The following H2BC18 variants were observed in gnomAD, a reference collection of about 807,000 sequenced individuals.
H2BC18 encodes the protein histone H2B type 2-F.
A neutral mutation model predicts 6.3 loss-of-function variants in H2BC18; 8 were observed. The ratio of observed to expected loss-of-function variants is 1.28; its 90% CI spans 0.75 to 2.31. H2BC18 has a LOEUF of 2.31. Ranked by LOEUF, H2BC18 falls within the 30% of genes most tolerant of loss-of-function variation. The probability of loss-of-function intolerance (pLI) is 0.00; values close to 1 mark genes in which losing one functional copy is unlikely to be tolerated. For synonymous variants in H2BC18, 104 were observed against 78.1 expected (o/e 1.33, Z -1.75); for missense variants, 106 against 174.5 (o/e 0.61, Z 2.21).
At chr1:149,811,496 C>T (rs191855691), downstream of H2BC18, 11 of 188,384 alleles carry the variant, frequency 5.8e-5, no homozygotes, top group East Asian at 1.6e-3. Flanking sequence ...CAGATTAAAA[C>T]ACTAAGAAAT....
intron 1 of H2BC18, chr1:149,784,334 G>A (rs1571382573): frequency 5.0e-6 from 8 of 1,611,538 alleles, no homozygotes; most frequent in South Asian, 4.4e-5. Context: ...GATGCCAGAT[G>A]TGTGTGTGTC....
At chr1:149,799,624 A>G (rs2091841262) in intron 1 of H2BC18, among the ~76,000 whole-genome samples, 1 of 152,212 alleles carries the variant, frequency 6.6e-6, no homozygotes, top group African/African-American at 2.4e-5. Flanking sequence ...CTTATTTGGT[A>G]GATTTGTATT....
At chr1:149,786,625 C>G (rs1446986155) in intron 1 of H2BC18, 1 of 151,962 alleles carries the variant, frequency 6.6e-6, no homozygotes, top group African/African-American at 2.4e-5. Flanking sequence ...AATCATATGG[C>G]TGACACCAAA....
chr1:149,797,368 A>G (rs1183646102), intron 1 of H2BC18, among the ~76,000 whole-genome samples: 2 of 152,188 alleles, frequency 1.3e-5, no homozygotes, highest in African/African-American at 2.4e-5. Flanking sequence ...TCGCAAATAT[A>G]TATCAAAAAT....
At chr1:149,805,046 G>T (rs1350752809) in intron 1 of H2BC18, among the ~76,000 whole-genome samples, 9 of 152,270 alleles carry the variant, frequency 5.9e-5, no homozygotes, top group African/African-American at 2.2e-4. Context: ...ATGTGATCAT[G>T]TGAGAGCCAC....
intron 1 of H2BC18, among the ~76,000 whole-genome samples, chr1:149,790,664 TTC>T (rs57604922): frequency 5.5e-5 from 8 of 146,218 alleles, no homozygotes; most frequent in Admixed American, 1.4e-4. Context: ...TGACCCCCCC[TTC>T]TCTCTCTCTC....
chr1:149,790,026 C>T (rs1553751495), intron 1 of H2BC18: 1 of 1,611,702 alleles, frequency 6.2e-7, no homozygotes, highest in South Asian at 1.1e-5. Flanking sequence ...AAACAGGCAA[C>T]CTTGTCCCCC....
downstream of H2BC18, among the ~76,000 whole-genome samples, chr1:149,807,841 G>T (rs2091936636): frequency 1.3e-5 from 2 of 152,204 alleles, no homozygotes; most frequent in Admixed American, 6.5e-5. Flanking sequence ...GAGAGAGAAA[G>T]AGAGAAAAGA....
downstream of H2BC18, chr1:149,810,609 C>T (rs587676437): frequency 2.8e-4 from 43 of 152,090 alleles, no homozygotes; most frequent in African/African-American, 9.9e-4. Flanking sequence ...GAAACATCCA[C>T]TGGCTTTTGT....
At chr1:149,785,666 T>G (rs2091529797) in intron 1 of H2BC18, 1 of 152,146 alleles carries the variant, frequency 6.6e-6, no homozygotes, top group Admixed American at 6.5e-5. Flanking sequence ...ATATCTTTTT[T>G]ATATTACATT....
chr1:149,791,087 C>T (rs1571398330), intron 1 of H2BC18: 10 of 997,518 alleles, frequency 1.0e-5, no homozygotes, highest in Middle Eastern at 3.4e-4. Flanking sequence ...TTAGAGCTAC[C>T]GCCAGTTCCT....
chr1:149,801,265 T>C (rs1268389160), intron 1 of H2BC18, among the ~76,000 whole-genome samples: 2 of 151,360 alleles, frequency 1.3e-5, no homozygotes, highest in Non-Finnish European at 2.9e-5. Flanking sequence ...TCCTTGGCAC[T>C]CTTCACTGTT....
chr1:149,784,275 C>T (rs1553750551), intron 1 of H2BC18: 1 of 1,610,022 alleles, frequency 6.2e-7, no homozygotes, highest in South Asian at 1.1e-5. Context: ...TGACTTGGAC[C>T]AGGAGGGCCG....
chr1:149,803,625 A>G (rs1912347), intron 1 of H2BC18: 1 of 152,244 alleles, frequency 6.6e-6, no homozygotes, highest in Admixed American at 6.5e-5. Flanking sequence ...GCTTGGATAA[A>G]CCAAGGAAAA....
downstream of H2BC18, among the ~76,000 whole-genome samples, chr1:149,808,083 AC>A (rs2091939646): frequency 6.6e-6 from 1 of 152,134 alleles, no homozygotes; most frequent in South Asian, 2.1e-4. Context: ...AAATGTTACA[AC>A]CTGGATGAGG....
intron 1 of H2BC18, among the ~76,000 whole-genome samples, chr1:149,800,787 CAA>C (rs1278887863): frequency 3.6e-4 from 54 of 150,848 alleles, no homozygotes; most frequent in African/African-American, 1.3e-3. Flanking sequence ...CTGCTGGGGT[CAA>C]AGATGTCAGT....
intron 1 of H2BC18, among the ~76,000 whole-genome samples, chr1:149,798,736 T>G (rs2091827986): frequency 6.6e-6 from 1 of 152,140 alleles, no homozygotes; most frequent in Non-Finnish European, 1.5e-5. Flanking sequence ...TTCAGCCTCC[T>G]AAGTAGCTGG....
At chr1:149,798,679 A>G (rs2091827456) in intron 1 of H2BC18, among the ~76,000 whole-genome samples, 3 of 151,652 alleles carry the variant, frequency 2.0e-5, no homozygotes, top group South Asian at 4.1e-4. Flanking sequence ...AGGTGCAATC[A>G]TAGCTCACTG....
At position 149,812,279 on chromosome 1, in the gene H2BC18, G is replaced by A. The variant is rs782735306; in HGVS notation, c.45C>T (p.Ser15=). ...TCTGCACTTTCGTAACAGCCTTTTT[G>A]GAGCCCTTCTTGGGAGCAGGAGCGG... ...AKSAPAPKKG[S]KKAVTKVQKK... is the part of the protein sequence containing the mutation. Residue 15 remains serine, a synonymous_variant, in exon 1 of 1, where the codon TCC becomes TCT. Transcript: ENST00000369167. 7 of 1,614,082 alleles carry A rather than the reference G, an allele frequency of 4.3e-6. No individual in the cohort carries two copies. The highest frequency in any genetic ancestry group is 4.0e-5 in the African/African-American group (3 of 74,924).
Sources: gnomAD v4.1 joint callset for allele counts (sites outside exome capture counted in the v4.1 genomes callset) on GRCh38, gnomAD v4.1.1 for gene constraint, MANE v1.5 for transcripts, NCBI Gene and HGNC (gene_info 2026-07-23, HGNC 2026-07-21) for gene names.